Variants in SLC35G1 observed in about 807,000 individuals in gnomAD.
SLC35G1 encodes the protein solute carrier family 35 member G1.
In SLC35G1, 10 loss-of-function variants were observed where a neutral mutation model predicts 17.1. The observed-to-expected ratio is 0.59, with a 90% CI of 0.36 to 0.99. The LOEUF is 0.99. Ranked by LOEUF, SLC35G1 falls within the 50% of genes least tolerant of loss-of-function variation. The pLI is 0.01. For missense variants in SLC35G1, 433 were observed against 468.4 expected, an observed-to-expected ratio of 0.92 and a Z score of 0.70; for synonymous variants, 185 against 181.1, an observed-to-expected ratio of 1.02 and a Z score of -0.18.
At position 93,901,710 on chromosome 10, in the gene SLC35G1, TGTTG is replaced by T. The variant is rs1370240047; in HGVS notation, c.*221_*224del. 7.7e-6 allele frequency: 1 copy of T among 129,366 alleles called. No homozygotes were observed. The highest frequency in any genetic ancestry group is 1.9e-3 in the East Asian group (1 of 536). 8.0% of individuals were successfully genotyped at this position (129,366 alleles called of 1,614,324 possible). ...CTTTGGTTTTGGTTTTGGTTTTTTT[TGTTG>T]TTGTTGTTGGGGTCAAGTTGGTGAG... is the stretch of plus-strand genomic sequence containing the variant. On this transcript the variant is annotated 3_prime_UTR_variant, in exon 3 of 3. Coordinates refer to ENST00000427197, the MANE Select transcript of SLC35G1 (RefSeq NM_001134658.3).
intron 1 of SLC35G1, among the ~76,000 whole-genome samples, chr10:93,896,514 T>C (rs1463817738): frequency 1.3e-5 from 2 of 152,210 alleles, no homozygotes; most frequent in Non-Finnish European, 2.9e-5. Flanking sequence ...CAAATGCCTC[T>C]TTCAGTTATG....
chr10:93,896,227 C>T (rs2060328555), intron 1 of SLC35G1, among the ~76,000 whole-genome samples: 1 of 152,092 alleles, frequency 6.6e-6, no homozygotes, highest in Admixed American at 6.5e-5. Flanking sequence ...AACTTTTGAG[C>T]TCAAGAGATC....
chr10:93,899,999 T>G (rs1426517368), intron 2 of SLC35G1, among the ~76,000 whole-genome samples: 1 of 152,152 alleles, frequency 6.6e-6, no homozygotes, highest in Admixed American at 6.5e-5. Flanking sequence ...GTAGCCTAGA[T>G]GATAATCTAA....
rs775624900 is a variant in SLC35G1, at chr10:93,894,221, C to T, written c.178+10C>T. ...TCCCGCACCGAGCCGGGTGAGTGCG[C>T]GGTGTGGATCGGGCTCTGGTCTCGC... On this transcript the variant is annotated intron_variant, in intron 1 of 2. Coordinates refer to ENST00000427197, the MANE Select transcript of SLC35G1 (RefSeq NM_001134658.3). 2.2e-6 allele frequency: 3 copies of T among 1,364,550 alleles called. No individual in the cohort carries two copies. The highest frequency in any genetic ancestry group is 1.5e-5 in the African/African-American group (1 of 65,788). 84.5% of individuals were successfully genotyped at this position (1,364,550 alleles called of 1,614,324 possible).
At chr10:93,906,126 T>C (rs2134074212), downstream of SLC35G1, 1 of 152,374 alleles carries the variant, frequency 6.6e-6, no homozygotes, top group Middle Eastern at 3.4e-3. Context: ...AATACAACTA[T>C]ATTTGATTTT....
chr10:93,906,639 A>G (rs994632715), downstream of SLC35G1, among the ~76,000 whole-genome samples: 8 of 152,242 alleles, frequency 5.3e-5, no homozygotes, highest in Non-Finnish European at 1.2e-4. Context: ...TCAAAAGAAC[A>G]AAAATCAACA....
At chr10:93,900,610 T>C in intron 2 of SLC35G1, 142 bp from the exon 3 acceptor site, 1 of 710,496 alleles carries the variant, frequency 1.4e-6, no homozygotes, top group Non-Finnish European at 2.1e-6. Flanking sequence ...TATATAATAT[T>C]CATTTGTGGA....
At chr10:93,904,210 T>C (rs186075871), downstream of SLC35G1, among the ~76,000 whole-genome samples, 3 of 152,334 alleles carry the variant, frequency 2.0e-5, no homozygotes, top group African/African-American at 7.2e-5. Context: ...GCCACCATCT[T>C]AGCCCAAGAC....
downstream of SLC35G1, among the ~76,000 whole-genome samples, chr10:93,904,161 A>C (rs1487520962): frequency 6.6e-6 from 1 of 152,072 alleles, no homozygotes; most frequent in Non-Finnish European, 1.5e-5. Flanking sequence ...TTGTCTTCTT[A>C]TTGTCTTGTG....
intron 2 of SLC35G1, 70 bp downstream of exon 2, chr10:93,898,821 T>A: frequency 1.4e-6 from 2 of 1,417,770 alleles, no homozygotes; most frequent in Non-Finnish European, 1.9e-6. Flanking sequence ...CTGCCTATAA[T>A]TACTCTATCT....
At chr10:93,908,549 T>C (rs1200906396), downstream of SLC35G1, 1 of 152,150 alleles carries the variant, frequency 6.6e-6, no homozygotes, top group Non-Finnish European at 1.5e-5. Context: ...CTCCTTCCCC[T>C]CCTAGAGCAA....
At chr10:93,900,213 A>G (rs933580094) in intron 2 of SLC35G1, among the ~76,000 whole-genome samples, 7 of 152,316 alleles carry the variant, frequency 4.6e-5, no homozygotes, top group Non-Finnish European at 7.4e-5. Context: ...GACTAAAATA[A>G]ATTTTAGCAG....
In SLC35G1 at chr10:93,902,458, T is replaced by C. The variant is rs554945934; in HGVS notation, c.*968T>C. On this transcript the variant is annotated 3_prime_UTR_variant, in exon 3 of 3. Transcript: ENST00000427197. ...CTTATTAGGTTGAACCATATGTAAT[T>C]GCCAAGATTTTACTATTTTAACTTA... 2.0e-5 allele frequency: 3 copies of C among 152,706 alleles called. No homozygotes were observed. Among genetic ancestry groups the C allele is most frequent in the Admixed American group, 2.0e-4 (3 of 15,274 alleles). 9.5% of individuals were successfully genotyped at this position (152,706 alleles called of 1,614,324 possible).
chr10:93,900,634 TTAC>T, intron 2 of SLC35G1, 115 bp from the exon 3 acceptor site: 3 of 801,338 alleles, frequency 3.7e-6, no homozygotes, highest in African/African-American at 1.7e-5. Context: ...TATAATTAAT[TTAC>T]TATTCCCTCA....
chr10:93,898,791 A>G, intron 2 of SLC35G1, 40 bp downstream of exon 2: 1 of 1,555,468 alleles, frequency 6.4e-7, no homozygotes, highest in South Asian at 1.2e-5. Flanking sequence ...ATATTAATAA[A>G]TGTGTGTATA....
In SLC35G1 at chr10:93,901,527, A is replaced by G. The variant is rs1250481981; in HGVS notation, c.*37A>G. On this transcript the variant is annotated 3_prime_UTR_variant, in exon 3 of 3. Coordinates refer to ENST00000427197, the MANE Select transcript of SLC35G1 (RefSeq NM_001134658.3). Reference sequence around the variant, plus strand: ...TGAAATACATATTTTTTTCAAGTACACCATCACCTAATTCACATACAGCAT... The same window carrying G: ...TGAAATACATATTTTTTTCAAGTACGCCATCACCTAATTCACATACAGCAT... The G allele has an allele frequency of 3.9e-6, 6 of 1,543,786 alleles. No homozygotes were observed. The highest frequency in any genetic ancestry group is 2.6e-5 in the South Asian group (2 of 77,188).
Position 93,894,261 on chromosome 10 carries a change from C to T in SLC35G1, c.178+50C>T, listed in dbSNP as rs1249231580. 3.1e-6 allele frequency: 4 copies of T among 1,297,802 alleles called. No homozygotes were observed. In the East Asian group the frequency reaches 1.3e-4, roughly 41 times the overall value. 80.4% of individuals were successfully genotyped at this position (1,297,802 alleles called of 1,614,324 possible). On this transcript the variant is annotated intron_variant, in intron 1 of 2. Coordinates refer to ENST00000427197, the MANE Select transcript of SLC35G1 (RefSeq NM_001134658.3). ...TCTGGTCTCGCTCGGGGGTCCCGAG[C>T]GGGCGCCGGCGGGTTGGGGTCCCCG...
Position 93,900,738 on chromosome 10 carries a change from A to T in SLC35G1, c.360-14A>T. On this transcript the variant is annotated splice_polypyrimidine_tract_variant and intron_variant, in intron 2 of 2. Coordinates refer to ENST00000427197, the MANE Select transcript of SLC35G1 (RefSeq NM_001134658.3). ...AATTTCATTTAATATGCATTTCTTC[A>T]TTTGAATTTACAGAACTGGGTTTAT... 1 of 1,524,416 alleles carries T rather than the reference A, an allele frequency of 6.6e-7. No individual in the cohort carries two copies. Among genetic ancestry groups the T allele is most frequent in the East Asian group, 2.3e-5 (1 of 43,284 alleles). 94.4% of individuals were successfully genotyped at this position (1,524,416 alleles called of 1,614,324 possible).
chr10:93,898,354 G>A lies in SLC35G1; in HGVS notation c.179-217G>A, dbSNP rs180862084. On this transcript the variant is annotated intron_variant, in intron 1 of 2. Transcript: ENST00000427197. ...CCATAGGAAATCCATTTGATAGGGC[G>A]AAACGGCATTTTAAAAATGCAGGTT... 2.1e-4 allele frequency among the ~76,000 whole-genome samples: 32 copies of A among 152,270 alleles called. No homozygotes were observed. In the East Asian group the frequency reaches 3.7e-3, roughly 17 times the overall value.
Sources: gnomAD v4.1 joint callset for allele counts (sites outside exome capture counted in the v4.1 genomes callset) on GRCh38, gnomAD v4.1.1 for gene constraint, MANE v1.5 for transcripts, NCBI Gene and HGNC (gene_info 2026-07-23, HGNC 2026-07-21) for gene names.